EPHX1: variants seen among roughly 807,000 people sequenced by gnomAD.
The protein encoded by EPHX1 is epoxide hydrolase 1.
In EPHX1, 40 loss-of-function variants were observed where a neutral mutation model predicts 43.2. That is an observed-to-expected ratio of 0.93 (90% confidence interval 0.72 to 1.21). The LOEUF (loss-of-function observed/expected upper bound fraction) is 1.21. Ranked by LOEUF, EPHX1 falls within the 50% of genes most tolerant of loss-of-function variation. EPHX1 has a pLI of 0.00. For missense variants in EPHX1, 550 were observed against 570.4 expected, an observed-to-expected ratio of 0.96 and a Z score of 0.36; for synonymous variants, 221 against 226.7, an observed-to-expected ratio of 0.98 and a Z score of 0.22.
intron 2 of EPHX1, among the ~76,000 whole-genome samples, 158 bp downstream of exon 2, chr1:225,829,070 G>C (rs1433109811): frequency 1.3e-5 from 2 of 152,182 alleles, no homozygotes; most frequent in African/African-American, 2.4e-5. Flanking sequence ...CTGCTGGGCA[G>C]GTGCAGGTTG....
At position 225,845,485 on chromosome 1, in the gene EPHX1, C is replaced by T; in HGVS notation, c.*138C>T. The T allele has an allele frequency of 1.2e-6, 1 of 840,860 alleles. No individual in the cohort carries two copies. Among genetic ancestry groups the T allele is most frequent in the Non-Finnish European group, 1.9e-6 (1 of 536,370 alleles). 52.1% of individuals were successfully genotyped at this position (840,860 alleles called of 1,614,324 possible). On this transcript the variant is annotated 3_prime_UTR_variant, in exon 9 of 9. Transcript: ENST00000272167. ...TGGGAGCCCACGCTCACCCCCTCAC[C>T]CCTCCAAGCTCACTCCCCAACCCCC...
At chr1:225,815,827 C>T (rs1156421635) in intron 1 of EPHX1, among the ~76,000 whole-genome samples, 1 of 152,188 alleles carries the variant, frequency 6.6e-6, no homozygotes, top group East Asian at 1.9e-4. Flanking sequence ...TCCTGTTACA[C>T]ACTGCAAGGA....
At chr1:225,812,206 G>C (rs1666516243) in intron 1 of EPHX1, among the ~76,000 whole-genome samples, 1 of 152,214 alleles carries the variant, frequency 6.6e-6, no homozygotes, top group Non-Finnish European at 1.5e-5. Context: ...CTGTAAGTGA[G>C]GGGACTCCTG....
intron 3 of EPHX1, among the ~76,000 whole-genome samples, chr1:225,837,442 A>G (rs902059914): frequency 4.6e-5 from 7 of 152,182 alleles, no homozygotes; most frequent in Non-Finnish European, 7.3e-5. Flanking sequence ...AGTCCAGAGG[A>G]GACAAGAATC....
chr1:225,831,898 T>C lies in EPHX1; in HGVS notation c.303T>C (p.Phe101=), dbSNP rs2234699. Residue 101 remains phenylalanine (F), a synonymous_variant, in exon 3 of 9, where the codon TTT becomes TTC. Transcript: ENST00000272167. ...TCATCTCCTACTGGCGGAATGAATTTGACTGGAAGAAGCAGGTGGAGATTC... is the reference window on the plus strand; with the variant it reads ...TCATCTCCTACTGGCGGAATGAATTCGACTGGAAGAAGCAGGTGGAGATTC... ...KKVISYWRNE[F]DWKKQVEILN... is the part of the protein sequence containing the mutation. The C allele has an allele frequency of 1.8e-3, 2,924 of 1,614,210 alleles. 1 individual carries two copies. Among genetic ancestry groups the C allele is most frequent in the Non-Finnish European group, 2.1e-3 (2,462 of 1,180,038 alleles).
chr1:225,828,675 G>C (rs1667397043), intron 1 of EPHX1, 50 bp from the exon 2 acceptor site: 8 of 1,601,668 alleles, frequency 5.0e-6, no homozygotes, highest in Non-Finnish European at 6.0e-6. Context: ...TGGGCTGTCA[G>C]GGCCGGGCTG....
intron 3 of EPHX1, among the ~76,000 whole-genome samples, chr1:225,832,985 A>G (rs1667701357): frequency 6.6e-6 from 1 of 152,156 alleles, no homozygotes; most frequent in Non-Finnish European, 1.5e-5. Context: ...GTTGCCATAC[A>G]ATTAATCTTT....
At chr1:225,833,826 C>A (rs560142585) in intron 3 of EPHX1, among the ~76,000 whole-genome samples, 22 of 138,304 alleles carry the variant, frequency 1.6e-4, no homozygotes, top group African/African-American at 3.2e-4. Context: ...GGCTGGGCGC[C>A]GTGGCTCACG....
chr1:225,815,533 G>A (rs1004662112), intron 1 of EPHX1, among the ~76,000 whole-genome samples: 6 of 151,464 alleles, frequency 4.0e-5, no homozygotes, highest in African/African-American at 9.7e-5. Context: ...GATTACAGGC[G>A]TGAGCCACGG....
At chr1:225,838,616 C>A in intron 3 of EPHX1, 38 bp from the exon 4 acceptor site, 1 of 1,578,532 alleles carries the variant, frequency 6.3e-7, no homozygotes, top group Non-Finnish European at 8.7e-7. Context: ...GCAGGGTCTT[C>A]TCTCTCCCTC....
chr1:225,832,261 C>A, intron 3 of EPHX1: 1 of 396,446 alleles, frequency 2.5e-6, no homozygotes, highest in Non-Finnish European at 4.8e-6. Context: ...AGACCCAGGC[C>A]AAGTGGGGTG....
intron 1 of EPHX1, among the ~76,000 whole-genome samples, chr1:225,812,464 A>G (rs1342314040): frequency 6.6e-6 from 1 of 152,222 alleles, no homozygotes; most frequent in East Asian, 1.9e-4. Context: ...CAGAAAGGGC[A>G]TCTTGACCAC....
chr1:225,838,663 TC>T lies in EPHX1; in HGVS notation c.376del (p.His126ThrfsTer5). 6.2e-7 allele frequency: 1 copy of T among 1,613,912 alleles called. No homozygotes were observed. The highest frequency in any genetic ancestry group is 1.6e-4 in the Middle Eastern group (1 of 6,062). On this transcript the variant is annotated frameshift_variant, in exon 4 of 9. Transcript: ENST00000272167. LOFTEE classifies it high-confidence loss of function. ...TGCTCTGTCCCCCCAGGGCTGGACA[TC>T]CACTTCATCCACGTGAAGCCCCCCC... The part of the protein sequence containing the change: ...HFKTKIEGLD[I>X]HFIHVKPPQL...
intron 3 of EPHX1, among the ~76,000 whole-genome samples, chr1:225,833,835 C>G (rs548760776): frequency 1.3e-5 from 2 of 148,404 alleles, no homozygotes; most frequent in Non-Finnish European, 3.0e-5. Context: ...CCGTGGCTCA[C>G]GCCTGTAATC....
chr1:225,834,682 C>A (rs904834213), intron 3 of EPHX1, among the ~76,000 whole-genome samples: 2 of 150,988 alleles, frequency 1.3e-5, no homozygotes, highest in African/African-American at 4.9e-5. Flanking sequence ...AATTTGATAT[C>A]TTCTATTATG....
rs567227953 is a variant in EPHX1 at position 225,839,767 on chromosome 1, C to G, written c.723-62C>G. On this transcript the variant is annotated intron_variant, in intron 5 of 8. Coordinates refer to ENST00000272167, the MANE Select transcript of EPHX1 (RefSeq NM_001136018.4). ...CCTGAGGCCTGTTCCTCCGCCATCT[C>G]TCCTCTCTCCCTGTCCTTGACACCA... 35 of 1,550,750 alleles carry G rather than the reference C, an allele frequency of 2.3e-5. No homozygotes were observed. In the South Asian group the frequency reaches 3.7e-4, roughly 16 times the overall value.
At position 225,845,484 on chromosome 1, in the gene EPHX1, C is replaced by T. The variant is rs922890027; in HGVS notation, c.*137C>T. ...CTGGGAGCCCACGCTCACCCCCTCA[C>T]CCCTCCAAGCTCACTCCCCAACCCC... is the stretch of plus-strand genomic sequence containing the variant. On this transcript the variant is annotated 3_prime_UTR_variant, in exon 9 of 9. Coordinates refer to ENST00000272167, the MANE Select transcript of EPHX1 (RefSeq NM_001136018.4). 1.2e-6 allele frequency: 1 copy of T among 841,154 alleles called. No homozygotes were observed. The highest frequency in any genetic ancestry group is 1.9e-6 in the Non-Finnish European group (1 of 536,710). 52.1% of individuals were successfully genotyped at this position (841,154 alleles called of 1,614,324 possible).
At chr1:225,827,044 C>A (rs1350825738) in intron 1 of EPHX1, among the ~76,000 whole-genome samples, 1 of 152,244 alleles carries the variant, frequency 6.6e-6, no homozygotes, top group South Asian at 2.1e-4. Context: ...GGAGCTCTAT[C>A]GCTGGACCAC....
intron 1 of EPHX1, among the ~76,000 whole-genome samples, chr1:225,815,116 G>GGTTTCACTGTGTTGC (rs1559014990): frequency 2.4e-5 from 2 of 84,948 alleles, no homozygotes; most frequent in African/African-American, 3.4e-5. Flanking sequence ...TCGGGGCACA[G>GGTTTCACTGTGTTGC]CCACCAGGTG....
Sources: allele counts gnomAD v4.1 joint callset (sites outside exome capture counted in the v4.1 genomes callset), GRCh38; gene constraint gnomAD v4.1.1; transcripts MANE v1.5; gene names NCBI Gene and HGNC (gene_info 2026-07-23, HGNC 2026-07-21).